Variants in HMCN1 observed in about 807,000 individuals in gnomAD.
The protein encoded by HMCN1 is hemicentin-1.
A neutral mutation model predicts 625.9 loss-of-function variants in HMCN1; 321 were observed. The ratio of observed to expected loss-of-function variants is 0.51; its 90% CI spans 0.47 to 0.56. HMCN1 has a LOEUF of 0.56. Ranked by LOEUF, HMCN1 falls within the 20% of genes least tolerant of loss-of-function variation. The pLI, the probability that HMCN1 is intolerant of heterozygous loss-of-function variation, is 0.00. For synonymous variants in HMCN1, 2,425 were observed against 2,417.6 expected (o/e 1.00, Z -0.09); for missense variants, 6,588 against 6,887.3 (o/e 0.96, Z 1.54).
chr1:186,085,859 T>G (rs1201560939), intron 57 of HMCN1, among the ~76,000 whole-genome samples: 1 of 152,112 alleles, frequency 6.6e-6, no homozygotes, highest in East Asian at 1.9e-4. Context: ...TCTTTAATAT[T>G]GAAATTCTCA....
chr1:185,775,234 T>C (rs1303547690), intron 1 of HMCN1, among the ~76,000 whole-genome samples: 2 of 152,062 alleles, frequency 1.3e-5, no homozygotes, highest in African/African-American at 4.8e-5. Flanking sequence ...ACTTCAAGAA[T>C]AAGTAAGAAA....
intron 1 of HMCN1, among the ~76,000 whole-genome samples, chr1:185,814,073 T>C (rs1318348219): frequency 6.6e-6 from 1 of 152,200 alleles, no homozygotes; most frequent in Non-Finnish European, 1.5e-5. Flanking sequence ...GTGATAGGAA[T>C]TCTAAAAAGT....
At position 186,145,433 on chromosome 1, in the gene HMCN1, G is replaced by T. The variant is rs780966640; in HGVS notation, c.14297G>T (p.Trp4766Leu). The T allele has an allele frequency of 6.3e-7, 1 of 1,597,784 alleles. No homozygotes were observed. Among genetic ancestry groups the T allele is most frequent in the Admixed American group, 1.7e-5 (1 of 58,830 alleles). The part of the protein sequence containing the change: ...THGNWSPWSG[W>L]GTCSRTCNGG... ...GGTAACTGGAGTCCTTGGAGTGGCT[G>T]GGGAACATGCAGCCGGACGTGTAAC... The change falls in exon 92 of 107, where the codon TGG (tryptophan) becomes TTG (leucine). Residue 4766 changes from tryptophan to leucine, a missense_variant. Trp to Leu is a moderately conservative substitution (Grantham distance 61). Around this residue, in one of 3 missense-constraint regions of HMCN1, gnomAD observed 1,954 missense variants for 2,013.1 expected, o/e 0.97. Coordinates refer to ENST00000271588, the MANE Select transcript of HMCN1 (RefSeq NM_031935.3).
intron 30 of HMCN1, among the ~76,000 whole-genome samples, chr1:186,011,477 C>T (rs1328812153): frequency 1.3e-5 from 2 of 152,194 alleles, no homozygotes; most frequent in Non-Finnish European, 2.9e-5. Context: ...GCTTGGAAGG[C>T]ATTACAGAAT....
intron 1 of HMCN1, among the ~76,000 whole-genome samples, chr1:185,793,099 T>C (rs897966958): frequency 1.3e-5 from 2 of 152,328 alleles, no homozygotes; most frequent in African/African-American, 2.4e-5. Flanking sequence ...AAGTTAATTC[T>C]AGCATGGCTC....
Position 186,062,531 on chromosome 1 carries a change from G to C in HMCN1, c.7444G>C (p.Gly2482Arg), listed in dbSNP as rs1203854943. 2 of 1,609,826 alleles carry C rather than the reference G, an allele frequency of 1.2e-6. No individual in the cohort carries two copies. Among genetic ancestry groups the C allele is most frequent in the African/African-American group, 1.3e-5 (1 of 74,764 alleles). The change falls in exon 48 of 107, where the codon GGT becomes CGT. Residue 2482 changes from glycine (G) to arginine (R), a missense_variant. Transcript: ENST00000271588. The part of the protein sequence containing the change: ...LSVLVPPHIV[G>R]ENTLEDVKVK... ...TTTTTTAGTACCACCTCATATTGTGGGTGAAAATACATTGGAAGATGTGAA... is the reference window on the plus strand; with the variant it reads ...TTTTTTAGTACCACCTCATATTGTGCGTGAAAATACATTGGAAGATGTGAA...
At chr1:185,852,549 C>T (rs962950261) in intron 2 of HMCN1, among the ~76,000 whole-genome samples, 1 of 146,370 alleles carries the variant, frequency 6.8e-6, no homozygotes, top group Non-Finnish European at 1.5e-5. Context: ...TTTAAGTTTT[C>T]ATAATATGCA....
intron 4 of HMCN1, among the ~76,000 whole-genome samples, chr1:185,876,905 T>C (rs904366571): frequency 6.6e-6 from 1 of 152,052 alleles, no homozygotes; most frequent in African/African-American, 2.4e-5. Flanking sequence ...CTGCAGGAGG[T>C]ATTTTGTTTA....
intron 11 of HMCN1, among the ~76,000 whole-genome samples, chr1:185,942,127 GT>G (rs1668112027): frequency 6.7e-6 from 1 of 149,392 alleles, no homozygotes; most frequent in Non-Finnish European, 1.5e-5. Context: ...GGAGGCGGAG[GT>G]TGTAGTGAGC....
At chr1:185,749,729 T>C (rs1181294003) in intron 1 of HMCN1, among the ~76,000 whole-genome samples, 1 of 152,228 alleles carries the variant, frequency 6.6e-6, no homozygotes, top group Non-Finnish European at 1.5e-5. Context: ...CCACTTTAAC[T>C]GCTCTCGCTG....
chr1:185,903,693 C>A (rs760315572), intron 4 of HMCN1, among the ~76,000 whole-genome samples: 30 of 151,668 alleles, frequency 2.0e-4, no homozygotes, highest in Non-Finnish European at 3.4e-4. Flanking sequence ...GGTGGATTAG[C>A]TAAATCTGCC....
At chr1:186,154,712 A>G (rs1486931776) in intron 97 of HMCN1, among the ~76,000 whole-genome samples, 1 of 152,232 alleles carries the variant, frequency 6.6e-6, no homozygotes, top group Non-Finnish European at 1.5e-5. Context: ...GCAGCTTTTT[A>G]AAACTGTGCA....
intron 100 of HMCN1, among the ~76,000 whole-genome samples, 179 bp from the exon 101 acceptor site, chr1:186,171,158 A>G (rs1652207702): frequency 6.6e-6 from 1 of 152,178 alleles, no homozygotes; most frequent in African/African-American, 2.4e-5. Context: ...GAAGGGAGAT[A>G]CCCTCTCCAA....
Position 186,113,994 on chromosome 1 carries a change from A to AG in HMCN1, c.11153dup (p.Gln3720ProfsTer9), listed in dbSNP as rs1661009088. On this transcript the variant is annotated frameshift_variant, in exon 73 of 107. Transcript: ENST00000271588. LOFTEE classifies it high-confidence loss of function. ...TCTTGTTCAGTTCCTCCAAACATAA[A>AG]GGGGGGCCCCCAGAGCCTTGTAATT... 1 of 1,614,148 alleles carries AG rather than the reference A, an allele frequency of 6.2e-7. No homozygotes were observed. The highest frequency in any genetic ancestry group is 8.5e-7 in the Non-Finnish European group (1 of 1,180,012).
chr1:186,046,083 A>G (rs540477178), intron 41 of HMCN1, among the ~76,000 whole-genome samples: 1 of 152,172 alleles, frequency 6.6e-6, no homozygotes, highest in Non-Finnish European at 1.5e-5. Flanking sequence ...TCCCAAAAAA[A>G]TGCTTCCAGG....
intron 97 of HMCN1, among the ~76,000 whole-genome samples, chr1:186,164,819 A>G (rs543690876): frequency 6.6e-6 from 1 of 152,356 alleles, no homozygotes; most frequent in Non-Finnish European, 1.5e-5. Flanking sequence ...CCTGGCATAT[A>G]CATTTATCTT....
chr1:185,742,678 A>G (rs2102071245), intron 1 of HMCN1, among the ~76,000 whole-genome samples: 1 of 152,322 alleles, frequency 6.6e-6, no homozygotes. Flanking sequence ...TTCATAAGCA[A>G]AATGATTGGT....
chr1:185,982,354 A>G lies in HMCN1; in HGVS notation c.2755A>G (p.Ile919Val). 1 of 1,613,248 alleles carries G rather than the reference A, an allele frequency of 6.2e-7. No individual in the cohort carries two copies. The highest frequency in any genetic ancestry group is 8.5e-7 in the Non-Finnish European group (1 of 1,179,398). ...LPCTLLAGNP[I>V]PERRWIKNSA... ...CTGTACTCTGTTAGCTGGAAATCCC[A>G]TTCCAGAACGTCGGTGGATTAAGAA... The change falls in exon 18 of 107, where the codon ATT becomes GTT. Residue 919 changes from isoleucine (I) to valine (V), a missense_variant. By Grantham distance (29) the Ile-to-Val change is conservative. Transcript: ENST00000271588.
intron 45 of HMCN1, 52 bp downstream of exon 45, chr1:186,055,726 A>C: frequency 1.9e-6 from 3 of 1,559,830 alleles, no homozygotes; most frequent in Non-Finnish European, 2.7e-6. Context: ...GTAATCTAGC[A>C]TCCTGGATGG....
Sources: allele counts gnomAD v4.1 joint callset (sites outside exome capture counted in the v4.1 genomes callset), GRCh38; gene constraint gnomAD v4.1.1; regional missense constraint gnomAD v4.1.1; transcripts MANE v1.5; gene names NCBI Gene and HGNC (gene_info 2026-07-23, HGNC 2026-07-21).